The following BAAT variants were observed in gnomAD, a reference collection of about 807,000 sequenced individuals.
BAAT encodes bile acid-CoA:amino acid N-acyltransferase, also known as bile acid CoA: amino acid N-acyltransferase (glycine N-choloyltransferase).
Under a neutral mutation model 18.9 loss-of-function variants are expected in BAAT, and 13 were observed. That is an observed-to-expected ratio of 0.69 (90% confidence interval 0.45 to 1.10). The LOEUF (loss-of-function observed/expected upper bound fraction) is 1.10. Ranked by LOEUF, BAAT falls within the 50% of genes least tolerant of loss-of-function variation. The pLI, the probability that BAAT is intolerant of heterozygous loss-of-function variation, is 0.00. For synonymous variants in BAAT, 170 were observed against 190.7 expected (o/e 0.89, Z 0.89); for missense variants, 489 against 504.0 (o/e 0.97, Z 0.28).
At chr9:101,370,901 A>C (rs758405554) in intron 2 of BAAT, 38 bp downstream of exon 2, 24 of 1,599,930 alleles carry the variant, frequency 1.5e-5, no homozygotes, top group Non-Finnish European at 1.7e-5. Flanking sequence ...TTAAAGTGGA[A>C]AAACAAGAAT....
chr9:101,383,921 A>G (rs1830166996), intron 1 of BAAT, among the ~76,000 whole-genome samples: 1 of 152,230 alleles, frequency 6.6e-6, no homozygotes, highest in Admixed American at 6.5e-5. Flanking sequence ...GTAATGAGTA[A>G]TAAAATACTC....
intron 2 of BAAT, among the ~76,000 whole-genome samples, chr9:101,369,845 G>A (rs1829899256): frequency 6.6e-6 from 1 of 152,054 alleles, no homozygotes; most frequent in Non-Finnish European, 1.5e-5. Context: ...AATAAACTCT[G>A]AGAAATGTAC....
At chr9:101,376,924 G>C (rs1408945479) in intron 1 of BAAT, among the ~76,000 whole-genome samples, 1 of 152,146 alleles carries the variant, frequency 6.6e-6, no homozygotes, top group Non-Finnish European at 1.5e-5. Context: ...AAAAGCTATT[G>C]TGAATAGTGC....
chr9:101,368,197 C>G lies in BAAT; in HGVS notation c.592G>C (p.Asp198His). The G allele has an allele frequency of 6.2e-7, 1 of 1,606,782 alleles. No homozygotes were observed. The highest frequency in any genetic ancestry group is 1.1e-5 in the South Asian group (1 of 90,924). ...SLALAYHNYE[D>H]LPRKPEVTDL... ...GTTACTTCTGGTTTGCGGGGCAGGT[C>G]TTCATAGTTATGGTAAGCCAAGGCC... The change falls in exon 3 of 4, where the codon GAC (aspartate) becomes CAC (histidine). Residue 198 changes from aspartate to histidine, a missense_variant. Coordinates refer to ENST00000259407, the MANE Select transcript of BAAT (RefSeq NM_001701.4).
chr9:101,361,100 C>T lies in BAAT; in HGVS notation c.*1328G>A. 1.3e-5 allele frequency: 2 copies of T among 156,504 alleles called. No individual in the cohort carries two copies. Among genetic ancestry groups the T allele is most frequent in the Middle Eastern group, 1.1e-3 (2 of 1,834 alleles). 9.7% of individuals were successfully genotyped at this position (156,504 alleles called of 1,614,324 possible). A position where few individuals can be genotyped will look rare whatever the true frequency, so the allele number is the denominator to read the frequency against. On this transcript the variant is annotated 3_prime_UTR_variant, in exon 4 of 4. Coordinates refer to ENST00000259407, the MANE Select transcript of BAAT (RefSeq NM_001701.4). ...AAGGCCAGCAAGTGTAGATGAGAGA[C>T]AGGATACAGAATCCCTCATGATAAA...
At position 101,361,604 on chromosome 9, in the gene BAAT, T is replaced by G. The variant is rs1046427884; in HGVS notation, c.*824A>C. 5 of 152,716 alleles carry G rather than the reference T, an allele frequency of 3.3e-5. No individual in the cohort carries two copies. Among genetic ancestry groups the G allele is most frequent in the African/African-American group, 1.2e-4 (5 of 41,476 alleles). The allele number at this position is 152,716 out of a possible 1,614,324, so 9.5% of individuals were successfully genotyped here. A position where few individuals can be genotyped will look rare whatever the true frequency, so the allele number is the denominator to read the frequency against. ...CTAACATGACTGAAGAAATTCATTA[T>G]GGAAGTACAGTGATAGTTGACCCAA... On this transcript the variant is annotated 3_prime_UTR_variant, in exon 4 of 4. Coordinates refer to ENST00000259407, the MANE Select transcript of BAAT (RefSeq NM_001701.4).
chr9:101,374,089 G>T (rs1385227451), intron 1 of BAAT, among the ~76,000 whole-genome samples: 2 of 151,988 alleles, frequency 1.3e-5, no homozygotes, highest in Admixed American at 6.6e-5. Context: ...ATGTCTGAAG[G>T]ACTCCATTTA....
Position 101,368,126 on chromosome 9 carries a change from A to T in BAAT, c.663T>A (p.His221Gln), listed in dbSNP as rs755684046. ...CTGAAAAGACAAAAATTACCTTTGG[A>T]TGTCTCAGGAGAAAGTTGGCAGCCT... ...FEEAANFLLR[H>Q]PKVFGSGVGV... The change falls in exon 3 of 4, where the codon CAT becomes CAA. Residue 221 changes from histidine to glutamine, a missense_variant. His to Gln is a conservative substitution (Grantham distance 24). Coordinates refer to ENST00000259407, the MANE Select transcript of BAAT (RefSeq NM_001701.4). The T allele has an allele frequency of 1.2e-6, 2 of 1,613,546 alleles. No homozygotes were observed. Among genetic ancestry groups the T allele is most frequent in the Non-Finnish European group, 1.7e-6 (2 of 1,179,480 alleles).
chr9:101,369,974 A>G (rs1829902448), intron 2 of BAAT, among the ~76,000 whole-genome samples: 1 of 152,206 alleles, frequency 6.6e-6, no homozygotes, highest in Non-Finnish European at 1.5e-5. Flanking sequence ...TTCATGGAAT[A>G]GTCTATAAAT....
chr9:101,379,345 A>G (rs1339377531), intron 1 of BAAT, among the ~76,000 whole-genome samples: 1 of 152,202 alleles, frequency 6.6e-6, no homozygotes, highest in Non-Finnish European at 1.5e-5. Flanking sequence ...TTATTTGGAA[A>G]TCTTTAGAAG....
rs1041284283 is a variant in BAAT, at chr9:101,370,925, G to A, written c.466+14C>T. ...AAAAACAAGAATAACAATAAGCAGA[G>A]TAATTCTACTCACCTGGAGGGAGAA... On this transcript the variant is annotated intron_variant, in intron 2 of 3. Coordinates refer to ENST00000259407, the MANE Select transcript of BAAT (RefSeq NM_001701.4). The A allele has an allele frequency of 1.4e-5, 23 of 1,612,078 alleles. No individual in the cohort carries two copies. The highest frequency in any genetic ancestry group is 1.8e-5 in the Non-Finnish European group (21 of 1,178,292).
At chr9:101,369,890 T>C (rs2119024060) in intron 2 of BAAT, among the ~76,000 whole-genome samples, 1 of 152,318 alleles carries the variant, frequency 6.6e-6, no homozygotes, top group South Asian at 2.1e-4. Context: ...TATTGGTATT[T>C]GGAGATTTCT....
chr9:101,367,794 T>C (rs1241658521), intron 3 of BAAT, among the ~76,000 whole-genome samples: 1 of 152,200 alleles, frequency 6.6e-6, no homozygotes, highest in Non-Finnish European at 1.5e-5. Context: ...CCAGTCCCTT[T>C]TTAAAAAATA....
intron 1 of BAAT, among the ~76,000 whole-genome samples, chr9:101,377,988 G>A (rs1830074859): frequency 6.6e-6 from 1 of 152,096 alleles, no homozygotes; most frequent in African/African-American, 2.4e-5. Context: ...AAACGTGAGT[G>A]AACTCCCAAT....
chr9:101,372,294 T>TAA (rs11349375), intron 1 of BAAT, among the ~76,000 whole-genome samples: 1 of 145,154 alleles, frequency 6.9e-6, no homozygotes, highest in Non-Finnish European at 1.5e-5. Flanking sequence ...AAATGAAAGT[T>TAA]AAAAAAAAAA....
At chr9:101,369,515 C>G (rs1389916354) in intron 2 of BAAT, among the ~76,000 whole-genome samples, 1 of 152,178 alleles carries the variant, frequency 6.6e-6, no homozygotes, top group Non-Finnish European at 1.5e-5. Flanking sequence ...AGAAAACACA[C>G]TTGAAGCGGG....
chr9:101,370,799 G>T, intron 2 of BAAT, 140 bp downstream of exon 2: 1 of 942,308 alleles, frequency 1.1e-6, no homozygotes, highest in Non-Finnish European at 1.7e-6. Flanking sequence ...ATTTCTGGAG[G>T]GATAATGCAT....
Position 101,384,933 on chromosome 9 carries a change from GAA to G in BAAT, c.-140_-139del, listed in dbSNP as rs1479168438. On this transcript the variant is annotated 5_prime_UTR_variant, in exon 1 of 4. Coordinates refer to ENST00000259407, the MANE Select transcript of BAAT (RefSeq NM_001701.4). ...TGTCGGCTGGTCTGAGAAATAAAGA[GAA>G]AGAGTACAAAGAGAGGAATTTACAG... Among the ~76,000 whole-genome samples the G allele has an allele frequency of 6.6e-6, 1 of 152,094 alleles. No individual in the cohort carries two copies. The highest frequency in any genetic ancestry group is 1.5e-5 in the Non-Finnish European group (1 of 68,032).
intron 1 of BAAT, among the ~76,000 whole-genome samples, chr9:101,377,272 G>T (rs901408605): frequency 1.3e-5 from 2 of 152,148 alleles, no homozygotes; most frequent in African/African-American, 4.8e-5. Flanking sequence ...CCCCAAATCA[G>T]TTTTCTATAT....
Sources: allele counts gnomAD v4.1 joint callset (sites outside exome capture counted in the v4.1 genomes callset), GRCh38; gene constraint gnomAD v4.1.1; transcripts MANE v1.5; gene names NCBI Gene and HGNC (gene_info 2026-07-23, HGNC 2026-07-21).